The following RAP1GDS1 variants were observed in gnomAD, a reference collection of about 807,000 sequenced individuals.
RAP1GDS1 encodes Rap1 GTPase-GDP dissociation stimulator 1, also known as RAP1, GTP-GDP dissociation stimulator 1.
A neutral mutation model predicts 71.1 loss-of-function variants in RAP1GDS1; 35 were observed. That is an observed-to-expected ratio of 0.49 (90% CI 0.38 to 0.65). The LOEUF (loss-of-function observed/expected upper bound fraction) is 0.65. Among genes scored for constraint, RAP1GDS1 ranks in the 30% least tolerant of loss-of-function variants. RAP1GDS1 has a pLI of 0.00. For synonymous variants in RAP1GDS1, 229 were observed against 243.1 expected (o/e 0.94, Z 0.54); for missense variants, 663 against 706.1 (o/e 0.94, Z 0.69).
intron 2 of RAP1GDS1, among the ~76,000 whole-genome samples, chr4:98,341,727 AT>A (rs1313136753): frequency 8.6e-6 from 1 of 116,336 alleles, no homozygotes; most frequent in Non-Finnish European, 1.7e-5. Flanking sequence ...AAAAAAAAAA[AT>A]CTTAGGTGTC....
intron 12 of RAP1GDS1, among the ~76,000 whole-genome samples, chr4:98,423,463 T>G (rs146470382): frequency 6.6e-6 from 1 of 152,344 alleles, no homozygotes; most frequent in East Asian, 1.9e-4. Context: ...TGTAGAGAAT[T>G]CGGGAGCACT....
At chr4:98,296,508 G>A (rs1006599251) in intron 2 of RAP1GDS1, among the ~76,000 whole-genome samples, 7 of 152,018 alleles carry the variant, frequency 4.6e-5, no homozygotes, top group Non-Finnish European at 1.0e-4. Flanking sequence ...GTTTAAGCAA[G>A]CATTTTGTGT....
chr4:98,348,368 G>C (rs552218810), intron 3 of RAP1GDS1, among the ~76,000 whole-genome samples: 6 of 152,226 alleles, frequency 3.9e-5, no homozygotes, highest in African/African-American at 1.4e-4. Context: ...GTCTATCATT[G>C]ATGGGCATTT....
chr4:98,431,468 C>T (rs1750401257), intron 12 of RAP1GDS1, among the ~76,000 whole-genome samples: 1 of 152,152 alleles, frequency 6.6e-6, no homozygotes, highest in Admixed American at 6.5e-5. Flanking sequence ...GGATAATTTG[C>T]CTTGGTTTTA....
At chr4:98,394,373 A>C (rs543876036) in intron 6 of RAP1GDS1, among the ~76,000 whole-genome samples, 1 of 152,306 alleles carries the variant, frequency 6.6e-6, no homozygotes, top group South Asian at 2.1e-4. Flanking sequence ...TGAAAAGAGC[A>C]TAACAAGAAC....
intron 1 of RAP1GDS1, among the ~76,000 whole-genome samples, chr4:98,282,753 A>G (rs543795403): frequency 1.4e-4 from 22 of 152,164 alleles, no homozygotes; most frequent in African/African-American, 4.8e-4. Context: ...CCTTGTGGGC[A>G]TTTAGTGCTA....
At chr4:98,371,325 C>T (rs1229064998) in intron 4 of RAP1GDS1, among the ~76,000 whole-genome samples, 1 of 151,918 alleles carries the variant, frequency 6.6e-6, no homozygotes, top group East Asian at 1.9e-4. Flanking sequence ...CCTTGTCGGG[C>T]CAGGCTGGTC....
At chr4:98,325,637 T>C (rs953700679) in intron 2 of RAP1GDS1, among the ~76,000 whole-genome samples, 9 of 150,072 alleles carry the variant, frequency 6.0e-5, no homozygotes, top group South Asian at 2.1e-4. Context: ...ATGGATGAAA[T>C]TGGAAATCAT....
intron 5 of RAP1GDS1, among the ~76,000 whole-genome samples, chr4:98,387,756 A>C (rs970637315): frequency 1.3e-5 from 2 of 152,202 alleles, no homozygotes; most frequent in Non-Finnish European, 2.9e-5. Context: ...TGTCTTTCAC[A>C]CATAAGTGTT....
At chr4:98,322,679 A>G (rs1732150523) in intron 2 of RAP1GDS1, among the ~76,000 whole-genome samples, 2 of 65,728 alleles carry the variant, frequency 3.0e-5, no homozygotes, top group Admixed American at 3.1e-4. Flanking sequence ...TACTGGGTAC[A>G]TAACGAAATG....
intron 2 of RAP1GDS1, among the ~76,000 whole-genome samples, chr4:98,321,575 G>T (rs1253754483): frequency 6.6e-6 from 1 of 151,286 alleles, no homozygotes; most frequent in Non-Finnish European, 1.5e-5. Context: ...CGGATCTCTC[G>T]GCAGAAACCC....
chr4:98,331,979 C>G (rs1734084537), intron 2 of RAP1GDS1, among the ~76,000 whole-genome samples: 1 of 152,282 alleles, frequency 6.6e-6, no homozygotes, highest in African/African-American at 2.4e-5. Flanking sequence ...TTAACCCTTA[C>G]AAAGCTCAGT....
intron 6 of RAP1GDS1, among the ~76,000 whole-genome samples, chr4:98,392,713 G>A (rs1441680143): frequency 6.6e-5 from 10 of 152,016 alleles, no homozygotes; most frequent in Non-Finnish European, 1.2e-4. Flanking sequence ...GAAAAAAAAA[G>A]AAATTTATTA....
chr4:98,297,655 T>G (rs1727975654), intron 2 of RAP1GDS1, among the ~76,000 whole-genome samples: 1 of 152,154 alleles, frequency 6.6e-6, no homozygotes, highest in Non-Finnish European at 1.5e-5. Flanking sequence ...CCCCACCAAC[T>G]AGCTATGCCG....
rs563271673 is a variant in RAP1GDS1, at chr4:98,436,285, T to C, written c.1568-655T>C. ...GGTCTTCCATTCAGTGCCTTTGACA[T>C]AAGTGCCTATGTTGCCACCAGTAAT... On this transcript the variant is annotated intron_variant, in intron 13 of 14. Transcript: ENST00000408927. Among the ~76,000 whole-genome samples the C allele has an allele frequency of 8.9e-4, 135 of 152,246 alleles. 1 individual carries two copies. Among genetic ancestry groups the C allele is most frequent in the African/African-American group, 3.0e-3 (126 of 41,564 alleles).
At chr4:98,412,479 C>T (rs757557069) in intron 7 of RAP1GDS1, among the ~76,000 whole-genome samples, 18 of 152,236 alleles carry the variant, frequency 1.2e-4, no homozygotes, top group African/African-American at 3.1e-4. Context: ...CATACCACTG[C>T]GCTCCAGCCT....
At chr4:98,334,771 G>T (rs1054913955) in intron 2 of RAP1GDS1, among the ~76,000 whole-genome samples, 2 of 151,086 alleles carry the variant, frequency 1.3e-5, no homozygotes, top group African/African-American at 2.4e-5. Context: ...TACTTAAGTC[G>T]TTAGTTGTCA....
At chr4:98,377,148 T>C (rs1005624826) in intron 4 of RAP1GDS1, among the ~76,000 whole-genome samples, 3 of 151,938 alleles carry the variant, frequency 2.0e-5, no homozygotes, top group Non-Finnish European at 4.4e-5. Context: ...TGTCTTCTTC[T>C]AAGTAAGTCC....
chr4:98,430,785 T>C (rs1466814021), intron 12 of RAP1GDS1, among the ~76,000 whole-genome samples: 1 of 152,206 alleles, frequency 6.6e-6, no homozygotes, highest in Non-Finnish European at 1.5e-5. Context: ...CTTAGCCAGC[T>C]GTGTGAATCA....
Sources: allele counts gnomAD v4.1 joint callset (sites outside exome capture counted in the v4.1 genomes callset), GRCh38; gene constraint gnomAD v4.1.1; transcripts MANE v1.5; gene names NCBI Gene and HGNC (gene_info 2026-07-23, HGNC 2026-07-21).